RBM5: variants seen among roughly 807,000 people sequenced by gnomAD.
RBM5 encodes RNA-binding protein 5.
In RBM5, 15 loss-of-function variants were observed where a neutral mutation model predicts 124.6. The ratio of observed to expected loss-of-function variants is 0.12; its 90% CI spans 0.08 to 0.19. The LOEUF is 0.19. Ranked by LOEUF, RBM5 falls within the 10% of genes least tolerant of loss-of-function variation. The pLI, the probability that RBM5 is intolerant of heterozygous loss-of-function variation, is 1.00. For missense variants in RBM5, 580 were observed against 1,026.5 expected, an observed-to-expected ratio of 0.57 and a Z score of 5.94; for synonymous variants, 337 against 361.2, an observed-to-expected ratio of 0.93 and a Z score of 0.76.
intron 22 of RBM5, chr3:50,116,559 C>T: frequency 5.8e-6 from 1 of 172,952 alleles, no homozygotes; most frequent in Admixed American, 5.5e-5. Flanking sequence ...AAATCTCCCA[C>T]CTGAGATATT....
rs1344940343 is a variant in RBM5 at position 50,103,512 on chromosome 3, C to A, written c.567+346C>A. Reference sequence around the variant, plus strand: ...AAATACAAAAATTAGCTGGGCATCACGGTGCGCGCCTGTAATCCCAGCTAC... The same window carrying A: ...AAATACAAAAATTAGCTGGGCATCAAGGTGCGCGCCTGTAATCCCAGCTAC... On this transcript the variant is annotated intron_variant, in intron 7 of 24. Transcript: ENST00000347869. Among the ~76,000 whole-genome samples, 3 of 151,936 alleles carry A rather than the reference C, an allele frequency of 2.0e-5. No homozygotes were observed. The East Asian group carries it at 5.8e-4, about 29-fold the overall frequency.
chr3:50,104,106 G>A, intron 7 of RBM5, 142 bp from the exon 8 acceptor site: 2 of 647,022 alleles, frequency 3.1e-6, no homozygotes, highest in Non-Finnish European at 5.5e-6. Context: ...GAATTTTTTA[G>A]GTTATGTCCC....
At chr3:50,090,041 T>TA (rs1320014813) in intron 1 of RBM5, 1 of 184,782 alleles carries the variant, frequency 5.4e-6, no homozygotes, top group East Asian at 1.4e-4. Flanking sequence ...GTTGCTTTGA[T>TA]ACAAAACCAA....
intron 4 of RBM5, among the ~76,000 whole-genome samples, chr3:50,096,402 C>G (rs1575304785): frequency 1.3e-5 from 2 of 151,662 alleles, no homozygotes; most frequent in African/African-American, 4.8e-5. Context: ...GCAGGAAGAT[C>G]ACTTGAGCCT....
At chr3:50,116,894 A>T (rs1258375022) in intron 22 of RBM5, 180 bp from the exon 23 acceptor site, 1 of 602,000 alleles carries the variant, frequency 1.7e-6, no homozygotes, top group East Asian at 2.8e-5. Flanking sequence ...TACAAATTTA[A>T]CATTTCAGAT....
rs2091011038 is a variant in RBM5 at position 50,105,455 on chromosome 3, A to G, written c.695-94A>G. On this transcript the variant is annotated intron_variant, in intron 9 of 24. Transcript: ENST00000347869. ...TAGAAAATACACTAGGAATGTCACAAATGGATTTGTATGTACTTGACCCTA... is the reference window on the plus strand; with the variant it reads ...TAGAAAATACACTAGGAATGTCACAGATGGATTTGTATGTACTTGACCCTA... 25 of 1,311,894 alleles carry G rather than the reference A, an allele frequency of 1.9e-5. 1 individual carries two copies. In the South Asian group the frequency reaches 3.0e-4, roughly 15 times the overall value. The allele number at this position is 1,311,894 out of a possible 1,614,324, so 81.3% of individuals were successfully genotyped here. A position where few individuals can be genotyped will look rare whatever the true frequency, so the allele number is the denominator to read the frequency against.
intron 1 of RBM5, among the ~76,000 whole-genome samples, chr3:50,089,413 T>G (rs931219785): frequency 1.3e-5 from 2 of 152,184 alleles, no homozygotes; most frequent in African/African-American, 4.8e-5. Flanking sequence ...GAAAAGCTGT[T>G]CGGTGATCGC....
chr3:50,113,502 G>A lies in RBM5; in HGVS notation c.1575G>A (p.Gly525=). ...CGGGCCTGCCTCCTGCAAAAGAGGGGAAAGAGAAGAAGGAGAAACCCAAGA... is the reference window on the plus strand; with the variant it reads ...CGGGCCTGCCTCCTGCAAAAGAGGGAAAAGAGAAGAAGGAGAAACCCAAGA... ...QQSGLPPAKE[G]KEKKEKPKSK... is the part of the protein sequence containing the mutation. The change falls in exon 18 of 25, where the codon GGG becomes GGA. Residue 525 remains glycine, a synonymous_variant. Coordinates refer to ENST00000347869, the MANE Select transcript of RBM5 (RefSeq NM_005778.4). The A allele has an allele frequency of 1.2e-6, 2 of 1,614,088 alleles. No individual in the cohort carries two copies. The highest frequency in any genetic ancestry group is 1.7e-6 in the Non-Finnish European group (2 of 1,180,022).
intron 4 of RBM5, among the ~76,000 whole-genome samples, chr3:50,095,064 G>A (rs2090785354): frequency 6.6e-6 from 1 of 152,098 alleles, no homozygotes; most frequent in Non-Finnish European, 1.5e-5. Context: ...TAGGTGTGGT[G>A]GTGCATACCT....
In RBM5 at chr3:50,110,857, A is replaced by G. The variant is rs2091130782; in HGVS notation, c.1455+87A>G. ...GGCATAAAATGAAATATTTCCTGCA[A>G]AAGAATATATGACTCAGATTAGTTT... On this transcript the variant is annotated intron_variant, in intron 17 of 24. Coordinates refer to ENST00000347869, the MANE Select transcript of RBM5 (RefSeq NM_005778.4). The G allele has an allele frequency of 9.1e-6, 10 of 1,095,246 alleles. No homozygotes were observed. In the South Asian group the frequency reaches 1.3e-4, roughly 14 times the overall value. 67.8% of individuals were successfully genotyped at this position (1,095,246 alleles called of 1,614,324 possible).
At chr3:50,089,555 G>A (rs1404346825) in intron 1 of RBM5, among the ~76,000 whole-genome samples, 2 of 152,260 alleles carry the variant, frequency 1.3e-5, no homozygotes, top group East Asian at 1.9e-4. Context: ...GGTGGGTGCC[G>A]GCACCGCCCG....
At chr3:50,114,443 G>A in intron 20 of RBM5, 192 bp downstream of exon 20, 1 of 552,280 alleles carries the variant, frequency 1.8e-6, no homozygotes, top group Non-Finnish European at 3.1e-6. Flanking sequence ...ATGAGATGGA[G>A]TGATGAAAGA....
chr3:50,102,585 G>T (rs1258124408), intron 6 of RBM5: 1 of 153,256 alleles, frequency 6.5e-6, no homozygotes, highest in East Asian at 1.9e-4. Context: ...TCCCCCCAAA[G>T]GACTCATCCT....
At chr3:50,103,209 T>C (rs1268026115) in intron 7 of RBM5, 43 bp downstream of exon 7, 1 of 1,434,488 alleles carries the variant, frequency 7.0e-7, no homozygotes, top group Non-Finnish European at 9.8e-7. Context: ...TCCTTTAGGA[T>C]ATTGCTGTTT....
At chr3:50,103,789 GAGAACCCTGCTAA>G (rs2090984966) in intron 7 of RBM5, among the ~76,000 whole-genome samples, 1 of 152,190 alleles carries the variant, frequency 6.6e-6, no homozygotes, top group Admixed American at 6.5e-5. Flanking sequence ...CAAAATAGTT[GAGAACCCTGCTAA>G]AGTTATATAA....
At chr3:50,095,608 C>T (rs556770720) in intron 4 of RBM5, among the ~76,000 whole-genome samples, 1 of 151,758 alleles carries the variant, frequency 6.6e-6, no homozygotes, top group African/African-American at 2.4e-5. Flanking sequence ...ACTGTTGTGC[C>T]TTTTTCTGCT....
chr3:50,096,504 C>T (rs1326319351), intron 4 of RBM5, among the ~76,000 whole-genome samples: 4 of 151,894 alleles, frequency 2.6e-5, no homozygotes, highest in African/African-American at 7.2e-5. Flanking sequence ...AGGGTCATGT[C>T]GGAAAAGGTC....
At chr3:50,089,431 C>T (rs541704058) in intron 1 of RBM5, among the ~76,000 whole-genome samples, 4 of 152,274 alleles carry the variant, frequency 2.6e-5, no homozygotes, top group South Asian at 2.1e-4. Flanking sequence ...CGCCCATCTG[C>T]GGGTTTGGAA....
Position 50,100,140 on chromosome 3 carries a change from A to G in RBM5, c.409+89A>G. 8.5e-7 allele frequency: 1 copy of G among 1,174,850 alleles called. No homozygotes were observed. The highest frequency in any genetic ancestry group is 1.2e-6 in the Non-Finnish European group (1 of 812,666). 72.8% of individuals were successfully genotyped at this position (1,174,850 alleles called of 1,614,324 possible). A position where few individuals can be genotyped will look rare whatever the true frequency, so the allele number is the denominator to read the frequency against. Reference sequence around the variant, plus strand: ...GAACATCCTGATTCCCCCAGTCTTCAAGCACATGAATTCAGAATGAAAGGT... The same window carrying G: ...GAACATCCTGATTCCCCCAGTCTTCGAGCACATGAATTCAGAATGAAAGGT... On this transcript the variant is annotated intron_variant, in intron 5 of 24. Coordinates refer to ENST00000347869, the MANE Select transcript of RBM5 (RefSeq NM_005778.4). This position sits in a 1 kb window ranked among gnomAD's most constrained non-coding sequence, Gnocchi z 5.1.
Sources: allele counts gnomAD v4.1 joint callset (sites outside exome capture counted in the v4.1 genomes callset), GRCh38; gene constraint gnomAD v4.1.1; non-coding constraint Gnocchi (gnomAD v3.1); transcripts MANE v1.5; gene names NCBI Gene and HGNC (gene_info 2026-07-23, HGNC 2026-07-21).